HDGFL3: variants seen among roughly 807,000 people sequenced by gnomAD.
HDGFL3 encodes the protein HDGF like 3.
A neutral mutation model predicts 27.6 loss-of-function variants in HDGFL3; 6 were observed. The ratio of observed to expected loss-of-function variants is 0.22; its 90% confidence interval spans 0.12 to 0.43. The LOEUF is 0.43. Among genes scored for constraint, HDGFL3 ranks in the 20% least tolerant of loss-of-function variants. The probability of loss-of-function intolerance (pLI) is 1.00; values close to 1 mark genes in which losing one functional copy is unlikely to be tolerated. For synonymous variants in HDGFL3, 88 were observed against 88.9 expected (o/e 0.99, Z 0.05); for missense variants, 207 against 250.1 (o/e 0.83, Z 1.16).
At position 83,207,215 on chromosome 15, in the gene HDGFL3, A is replaced by T; in HGVS notation, c.84+116T>A. ...TGCCGCGCCGCCCTCAGCCCTCACC[A>T]CAGCCGGCCGCGAGCTGCGGGCTCG... On this transcript the variant is annotated intron_variant, in intron 1 of 5. Transcript: ENST00000299633. The surrounding 1 kb of genome is among the most constrained non-coding windows in gnomAD (Gnocchi z 4.8). 1 of 686,714 alleles carries T rather than the reference A, an allele frequency of 1.5e-6. No individual in the cohort carries two copies. The highest frequency in any genetic ancestry group is 2.1e-6 in the Non-Finnish European group (1 of 483,730). The allele number at this position is 686,714 out of a possible 1,614,324, so 42.5% of individuals were successfully genotyped here. A position where few individuals can be genotyped will look rare whatever the true frequency, so the allele number is the denominator to read the frequency against.
intron 2 of HDGFL3, among the ~76,000 whole-genome samples, chr15:83,160,478 C>T (rs1027896770): frequency 1.3e-5 from 2 of 151,116 alleles, no homozygotes; most frequent in Non-Finnish European, 2.9e-5. Context: ...AGCCACCACA[C>T]CTGGCCATCT....
rs1184195546 is a variant in HDGFL3, at chr15:83,135,958, AAGG to A, written c.*3309_*3311del. 6.6e-6 allele frequency: 1 copy of A among 152,244 alleles called. No homozygotes were observed. The highest frequency in any genetic ancestry group is 2.4e-5 in the African/African-American group (1 of 41,434). The allele number at this position is 152,244 out of a possible 1,614,324, so 9.4% of individuals were successfully genotyped here. On this transcript the variant is annotated 3_prime_UTR_variant, in exon 6 of 6. Transcript: ENST00000299633. ...GGGAAAGGGTATGAGCTCTTGCTGCAAGGAGTAGATGAAAGACTGATAAATGAA... is the reference window on the plus strand; with the variant it reads ...GGGAAAGGGTATGAGCTCTTGCTGCAAGTAGATGAAAGACTGATAAATGAA...
chr15:83,181,690 G>A (rs2037383393), intron 1 of HDGFL3, among the ~76,000 whole-genome samples: 1 of 152,274 alleles, frequency 6.6e-6, no homozygotes, highest in South Asian at 2.1e-4. Flanking sequence ...TGGCCAGGCT[G>A]GTCTTGAACG....
chr15:83,115,782 C>A, intron 3 of HDGFL3: 1 of 1,090,022 alleles, frequency 9.2e-7, no homozygotes, highest in Non-Finnish European at 1.4e-6. Flanking sequence ...TTAGCTGATG[C>A]CAAGCTTGTA....
Position 83,151,317 on chromosome 15 carries a change from G to A in HDGFL3, c.504C>T (p.Asp168=), listed in dbSNP as rs1412245333. Residue 168 remains aspartate, a synonymous_variant, in exon 5 of 6, where the codon GAC becomes GAT. Coordinates refer to ENST00000299633, the MANE Select transcript of HDGFL3 (RefSeq NM_016073.4). Reference sequence around the variant, plus strand: ...TGTTTTCCTCTTCTTTGCAGTCTTTGTCATCTTCATCTCCTGGAGATTTCC... The same window carrying A: ...TGTTTTCCTCTTCTTTGCAGTCTTTATCATCTTCATCTCCTGGAGATTTCC... ...QSRKSPGDED[D]KDCKEEENKS... The A allele has an allele frequency of 1.2e-6, 2 of 1,613,100 alleles. No individual in the cohort carries two copies. Among genetic ancestry groups the A allele is most frequent in the South Asian group, 2.2e-5 (2 of 90,962 alleles).
chr15:83,205,654 C>A (rs1488562613), intron 1 of HDGFL3, among the ~76,000 whole-genome samples: 1 of 152,186 alleles, frequency 6.6e-6, no homozygotes, highest in African/African-American at 2.4e-5. Context: ...CATTATGGTA[C>A]TAGGAAATGA....
rs1381802326 is a variant in HDGFL3 at position 83,137,485 on chromosome 15, G to A, written c.*1785C>T. ...ACATTCCCCTTATGTTTCAGTGTGA[G>A]CAATGAAGAGGTCTTTTGATGAATT... is the stretch of plus-strand genomic sequence containing the variant. On this transcript the variant is annotated 3_prime_UTR_variant, in exon 6 of 6. Transcript: ENST00000299633. 6.6e-6 allele frequency: 1 copy of A among 152,046 alleles called. No homozygotes were observed. The highest frequency in any genetic ancestry group is 2.4e-5 in the African/African-American group (1 of 41,394). The allele number at this position is 152,046 out of a possible 1,614,324, so 9.4% of individuals were successfully genotyped here. A position where few individuals can be genotyped will look rare whatever the true frequency, so the allele number is the denominator to read the frequency against.
chr15:83,120,918 G>T (rs1248245922), intron 3 of HDGFL3, among the ~76,000 whole-genome samples: 3 of 150,212 alleles, frequency 2.0e-5, no homozygotes, highest in African/African-American at 7.4e-5. Context: ...TTATGAATGG[G>T]CCTCTTGGGG....
At chr15:83,196,048 T>C (rs928247450) in intron 1 of HDGFL3, among the ~76,000 whole-genome samples, 6 of 151,930 alleles carry the variant, frequency 3.9e-5, no homozygotes, top group African/African-American at 1.4e-4. Flanking sequence ...CTGACATTTA[T>C]TAAATAAACG....
At chr15:83,178,000 TC>T (rs1483649638) in intron 1 of HDGFL3, among the ~76,000 whole-genome samples, 2 of 152,220 alleles carry the variant, frequency 1.3e-5, no homozygotes, top group African/African-American at 4.8e-5. Flanking sequence ...TTAGTTTTGT[TC>T]ATCAAGTATC....
At chr15:83,119,632 T>G in intron 3 of HDGFL3, 1 of 1,614,238 alleles carries the variant, frequency 6.2e-7, no homozygotes, top group Non-Finnish European at 8.5e-7. Context: ...CTGGGATGGC[T>G]CTGCTCATTA....
At position 83,136,190 on chromosome 15, in the gene HDGFL3, TA is replaced by T; in HGVS notation, c.*3079del. The T allele has an allele frequency of 3.9e-6, 1 of 256,744 alleles. No individual in the cohort carries two copies. The highest frequency in any genetic ancestry group is 7.3e-6 in the Non-Finnish European group (1 of 136,908). The allele number at this position is 256,744 out of a possible 1,614,324, so 15.9% of individuals were successfully genotyped here. On this transcript the variant is annotated 3_prime_UTR_variant, in exon 6 of 6. Transcript: ENST00000299633. ...ATTAGATTGAGCCACTAATGTTCGG[TA>T]AGGGGCACTTGATGGTTAAAAAACA...
chr15:83,115,991 C>G, intron 3 of HDGFL3: 1 of 1,378,312 alleles, frequency 7.3e-7, no homozygotes, highest in South Asian at 1.2e-5. Flanking sequence ...AGGCCACAAC[C>G]CAGATCACAT....
downstream of HDGFL3, among the ~76,000 whole-genome samples, chr15:83,124,977 C>T (rs2035600180): frequency 6.6e-6 from 1 of 152,226 alleles, no homozygotes; most frequent in Non-Finnish European, 1.5e-5. Context: ...TCCTCCTGTC[C>T]TTAGATCAAG....
At chr15:83,121,289 C>A (rs1242750944) in intron 3 of HDGFL3, among the ~76,000 whole-genome samples, 1 of 150,464 alleles carries the variant, frequency 6.6e-6, no homozygotes, top group Non-Finnish European at 1.5e-5. Context: ...ACCATGTTGG[C>A]CAGGCTGGTT....
At chr15:83,152,326 C>T (rs890498643) in intron 4 of HDGFL3, among the ~76,000 whole-genome samples, 8 of 152,046 alleles carry the variant, frequency 5.3e-5, no homozygotes, top group Non-Finnish European at 7.4e-5. Context: ...GAGGCTGAGG[C>T]GGGTGGATCA....
intron 1 of HDGFL3, among the ~76,000 whole-genome samples, chr15:83,164,939 A>C (rs1259845985): frequency 2.0e-5 from 3 of 152,218 alleles, no homozygotes; most frequent in Non-Finnish European, 4.4e-5. Flanking sequence ...ATTTTATTTC[A>C]TGTAGCCTTC....
rs1373149229 is a variant in HDGFL3, at chr15:83,135,692, T to C, written c.*3578A>G. 6.6e-6 allele frequency: 1 copy of C among 152,202 alleles called. No individual in the cohort carries two copies. Among genetic ancestry groups the C allele is most frequent in the Non-Finnish European group, 1.5e-5 (1 of 68,040 alleles). 9.4% of individuals were successfully genotyped at this position (152,202 alleles called of 1,614,324 possible). On this transcript the variant is annotated 3_prime_UTR_variant, in exon 6 of 6. Transcript: ENST00000299633. ...TCTGAATGTGTTTTCTGAATAAGTA[T>C]ATAAGTAGAGAGGGAGGCCATTTTG...
chr15:83,132,264 T>C lies in HDGFL3; in HGVS notation c.*7006A>G, dbSNP rs1196250927. The C allele has an allele frequency of 1.4e-4, 21 of 152,226 alleles. 1 individual carries two copies. The highest frequency in any genetic ancestry group is 1.4e-3 in the Admixed American group (21 of 15,282). The allele number at this position is 152,226 out of a possible 1,614,324, so 9.4% of individuals were successfully genotyped here. A position where few individuals can be genotyped will look rare whatever the true frequency, so the allele number is the denominator to read the frequency against. ...AGTAAGAATTTGGAGATATGCCTTA[T>C]GTTGTTCCGAAGATTAACCTGAAGA... On this transcript the variant is annotated 3_prime_UTR_variant, in exon 6 of 6. Coordinates refer to ENST00000299633, the MANE Select transcript of HDGFL3 (RefSeq NM_016073.4).
Sources: gnomAD v4.1 joint callset for allele counts (sites outside exome capture counted in the v4.1 genomes callset) on GRCh38, gnomAD v4.1.1 for gene constraint, Gnocchi (gnomAD v3.1) non-coding constraint, MANE v1.5 for transcripts, NCBI Gene and HGNC (gene_info 2026-07-23, HGNC 2026-07-21) for gene names.